The following EPHA6 variants were observed in gnomAD, a reference collection of about 807,000 sequenced individuals.
EPHA6 encodes the protein EPH receptor A6, also known as ephrin type-A receptor 6.
In EPHA6, 50 loss-of-function variants were observed where a neutral mutation model predicts 112.0. That is an observed-to-expected ratio of 0.45 (90% confidence interval 0.36 to 0.56). EPHA6 has a LOEUF of 0.56. Ranked by LOEUF, EPHA6 falls within the 20% of genes least tolerant of loss-of-function variation. The pLI is 0.00. For missense variants in EPHA6, 1,280 were observed against 1,417.4 expected (o/e 0.90, Z 1.56); for synonymous variants, 529 against 490.7 (o/e 1.08, Z -1.03).
chr3:97,179,015 G>A (rs2076912377), intron 3 of EPHA6, among the ~76,000 whole-genome samples: 2 of 151,868 alleles, frequency 1.3e-5, no homozygotes. Flanking sequence ...GAATCTAGAG[G>A]CTATTTTCTA....
chr3:97,747,810 G>A (rs2035778495), intron 17 of EPHA6, among the ~76,000 whole-genome samples: 1 of 152,000 alleles, frequency 6.6e-6, no homozygotes, highest in Admixed American at 6.6e-5. Context: ...TAAAATGCAT[G>A]TTACTCTCAT....
intron 10 of EPHA6, among the ~76,000 whole-genome samples, chr3:97,527,981 G>T (rs558107709): frequency 6.6e-6 from 1 of 152,022 alleles, no homozygotes; most frequent in African/African-American, 2.4e-5. Context: ...ATAATATTGG[G>T]CCTTAATCTT....
At chr3:97,068,178 A>AG (rs1313998474) in intron 3 of EPHA6, among the ~76,000 whole-genome samples, 4 of 151,542 alleles carry the variant, frequency 2.6e-5, no homozygotes, top group Non-Finnish European at 5.9e-5. Flanking sequence ...AAAAAAAAAA[A>AG]AAAGAGTCAG....
intron 6 of EPHA6, among the ~76,000 whole-genome samples, chr3:97,435,068 G>C (rs369084740): frequency 2.0e-5 from 3 of 151,996 alleles, no homozygotes; most frequent in South Asian, 4.1e-4. Context: ...GCTGGGCCAG[G>C]AACTGGCAGC....
rs1038227079 is a variant in EPHA6 at position 97,131,631 on chromosome 3, G to T, written c.1115-94633G>T. Among the ~76,000 whole-genome samples, 5 of 152,200 alleles carry T rather than the reference G, an allele frequency of 3.3e-5. No homozygotes were observed. In the East Asian group the frequency reaches 9.7e-4, roughly 29 times the overall value. On this transcript the variant is annotated intron_variant, in intron 3 of 17. Transcript: ENST00000389672. Reference sequence around the variant, plus strand: ...GTACACATGACCTTATTTACAAGTGGATGGCTAAAAATGACCCAGATGCCT... The same window carrying T: ...GTACACATGACCTTATTTACAAGTGTATGGCTAAAAATGACCCAGATGCCT...
intron 3 of EPHA6, among the ~76,000 whole-genome samples, chr3:97,008,085 C>A (rs1014830248): frequency 2.6e-5 from 4 of 152,020 alleles, no homozygotes; most frequent in Admixed American, 2.0e-4. Context: ...ATGTGTCTTG[C>A]AGATTATGTT....
chr3:97,275,155 T>C (rs1387570280), intron 5 of EPHA6, among the ~76,000 whole-genome samples: 1 of 152,170 alleles, frequency 6.6e-6, no homozygotes, highest in Non-Finnish European at 1.5e-5. Flanking sequence ...GTGTAAGAAT[T>C]CTGACCACAC....
chr3:97,141,978 A>G (rs185175003), intron 3 of EPHA6, among the ~76,000 whole-genome samples: 15 of 152,102 alleles, frequency 9.9e-5, no homozygotes, highest in African/African-American at 3.4e-4. Flanking sequence ...TATCTCAAGT[A>G]TATTATTTTT....
chr3:97,186,925 T>A (rs889739413), intron 3 of EPHA6, among the ~76,000 whole-genome samples: 7 of 152,094 alleles, frequency 4.6e-5, no homozygotes, highest in African/African-American at 1.7e-4. Flanking sequence ...ATAATATGGG[T>A]TGCCATTTTT....
At chr3:97,433,409 G>T (rs571401202) in intron 6 of EPHA6, among the ~76,000 whole-genome samples, 1 of 152,066 alleles carries the variant, frequency 6.6e-6, no homozygotes, top group South Asian at 2.1e-4. Context: ...CATTTTAATT[G>T]CAAAAGACTT....
At chr3:97,230,510 A>C (rs2078492252) in intron 4 of EPHA6, among the ~76,000 whole-genome samples, 1 of 152,156 alleles carries the variant, frequency 6.6e-6, no homozygotes, top group African/African-American at 2.4e-5. Flanking sequence ...GAAGCAAAGA[A>C]AGGTTTAATT....
intron 5 of EPHA6, among the ~76,000 whole-genome samples, chr3:97,332,915 T>C (rs1245932630): frequency 6.6e-6 from 1 of 152,128 alleles, no homozygotes; most frequent in Non-Finnish European, 1.5e-5. Flanking sequence ...TTTTATTCTT[T>C]TTTTTTGTCA....
intron 5 of EPHA6, among the ~76,000 whole-genome samples, chr3:97,378,009 C>T (rs1218672332): frequency 6.6e-6 from 1 of 152,120 alleles, no homozygotes; most frequent in Non-Finnish European, 1.5e-5. Context: ...AACATTAATC[C>T]CCAAGACAAT....
intron 2 of EPHA6, among the ~76,000 whole-genome samples, chr3:96,912,676 C>T (rs1392686245): frequency 2.0e-5 from 3 of 152,108 alleles, no homozygotes; most frequent in African/African-American, 7.2e-5. Context: ...TAATCTTGAA[C>T]TCCTGGGTTT....
chr3:97,528,089 A>C (rs2092647869), intron 10 of EPHA6, among the ~76,000 whole-genome samples: 1 of 152,132 alleles, frequency 6.6e-6, no homozygotes, highest in South Asian at 2.1e-4. Context: ...AATTGCACTC[A>C]TTTTAGACAA....
intron 6 of EPHA6, among the ~76,000 whole-genome samples, chr3:97,428,493 C>A (rs979373114): frequency 6.6e-6 from 1 of 152,084 alleles, no homozygotes; most frequent in Non-Finnish European, 1.5e-5. Context: ...AGATGTTTTA[C>A]CACTATAGTT....
intron 5 of EPHA6, among the ~76,000 whole-genome samples, chr3:97,362,124 A>G (rs1042878524): frequency 6.6e-6 from 1 of 152,172 alleles, no homozygotes; most frequent in Non-Finnish European, 1.5e-5. Context: ...TACACAAACC[A>G]CTTCATTATG....
chr3:97,607,199 A>C (rs1279611621), intron 12 of EPHA6, among the ~76,000 whole-genome samples: 4 of 150,340 alleles, frequency 2.7e-5, no homozygotes, highest in Admixed American at 6.6e-5. Context: ...AAAAAAAAAA[A>C]ACACAAAAAG....
At chr3:96,911,263 A>G (rs969164515) in intron 2 of EPHA6, among the ~76,000 whole-genome samples, 1 of 152,090 alleles carries the variant, frequency 6.6e-6, no homozygotes. Flanking sequence ...TTTTGTGAGT[A>G]TAGTCAGAAA....
Sources: gnomAD v4.1 joint callset for allele counts (sites outside exome capture counted in the v4.1 genomes callset) on GRCh38, gnomAD v4.1.1 for gene constraint, MANE v1.5 for transcripts, NCBI Gene and HGNC (gene_info 2026-07-23, HGNC 2026-07-21) for gene names.